Variants in NBEA observed in about 807,000 individuals in gnomAD.
The protein encoded by NBEA is lysosomal-trafficking regulator 2.
In NBEA, 44 loss-of-function variants were observed where a neutral mutation model predicts 343.4. That is an observed-to-expected ratio of 0.13 (90% CI 0.10 to 0.16). The LOEUF (loss-of-function observed/expected upper bound fraction) is 0.16. Ranked by LOEUF, NBEA falls within the 10% of genes least tolerant of loss-of-function variation. NBEA has a pLI of 1.00. For missense variants in NBEA, 2,555 were observed against 3,631.3 expected, an observed-to-expected ratio of 0.70 and a Z score of 7.62; for synonymous variants, 1,175 against 1,238.7, an observed-to-expected ratio of 0.95 and a Z score of 1.08.
At chr13:35,354,560 G>A (rs2040387462) in intron 38 of NBEA, among the ~76,000 whole-genome samples, 1 of 151,932 alleles carries the variant, frequency 6.6e-6, no homozygotes, top group African/African-American at 2.4e-5. Context: ...AGAAGAGCAG[G>A]TGTCTTCTTT....
intron 40 of NBEA, among the ~76,000 whole-genome samples, chr13:35,467,302 T>C (rs1409966237): frequency 6.6e-6 from 1 of 151,904 alleles, no homozygotes; most frequent in Non-Finnish European, 1.5e-5. Flanking sequence ...TGAAACACCA[T>C]CTCTACTAAA....
chr13:35,438,265 G>T (rs1200628506), intron 39 of NBEA, among the ~76,000 whole-genome samples: 1 of 152,200 alleles, frequency 6.6e-6, no homozygotes, highest in Non-Finnish European at 1.5e-5. Flanking sequence ...AGCTTGTGAA[G>T]CCATCAAGTT....
chr13:35,539,915 C>CAAAAAAAAAAAAAAAAAAAAAAAAAAA (rs71081262), intron 41 of NBEA, among the ~76,000 whole-genome samples: 1 of 39,614 alleles, frequency 2.5e-5, no homozygotes, highest in Non-Finnish European at 4.6e-5. Flanking sequence ...GACTCCGTCT[C>CAAAAAAAAAAAAAAAAAAAAAAAAAAA]AAAAAAAAAA....
intron 1 of NBEA, among the ~76,000 whole-genome samples, chr13:34,953,310 C>G (rs1159604913): frequency 6.6e-6 from 1 of 152,018 alleles, no homozygotes; most frequent in African/African-American, 2.4e-5. Context: ...ATAACTTGAT[C>G]CCCCTTTCAA....
intron 6 of NBEA, among the ~76,000 whole-genome samples, chr13:35,053,599 C>T (rs746388635): frequency 5.9e-5 from 9 of 151,932 alleles, no homozygotes; most frequent in East Asian, 1.9e-4. Flanking sequence ...ATATGTTGTC[C>T]GTCTTTATAT....
chr13:35,525,177 G>A (rs1056175880), intron 41 of NBEA, among the ~76,000 whole-genome samples: 1 of 152,074 alleles, frequency 6.6e-6, no homozygotes, highest in African/African-American at 2.4e-5. Flanking sequence ...TTTAGTGCCT[G>A]GTATATCAAA....
chr13:35,648,032 T>C (rs543260515), intron 51 of NBEA, among the ~76,000 whole-genome samples: 18 of 152,060 alleles, frequency 1.2e-4, no homozygotes, highest in African/African-American at 4.3e-4. Context: ...TGTGCCACCA[T>C]GCCTGGCTAA....
chr13:35,078,511 G>GA (rs1212104006), intron 10 of NBEA, among the ~76,000 whole-genome samples: 9 of 152,152 alleles, frequency 5.9e-5, no homozygotes, highest in African/African-American at 2.2e-4. Flanking sequence ...CAAATGAGAT[G>GA]AATGTCATAT....
intron 40 of NBEA, among the ~76,000 whole-genome samples, chr13:35,465,258 ATTCAATTCCAC>A (rs2152954531): frequency 6.6e-6 from 1 of 152,248 alleles, no homozygotes; most frequent in South Asian, 2.1e-4. Flanking sequence ...CATTTTCTAT[ATTCAATTCCAC>A]AAACACAGAT....
chr13:35,582,876 T>C (rs1333572376), intron 45 of NBEA, among the ~76,000 whole-genome samples: 1 of 152,162 alleles, frequency 6.6e-6, no homozygotes, highest in Non-Finnish European at 1.5e-5. Context: ...ACATTATGTG[T>C]CCCTTTGAAA....
chr13:35,646,787 T>A (rs1293830220), intron 51 of NBEA, among the ~76,000 whole-genome samples: 1 of 152,206 alleles, frequency 6.6e-6, no homozygotes, highest in Non-Finnish European at 1.5e-5. Context: ...TTTGTGGTTA[T>A]TACAGAGAGG....
intron 18 of NBEA, among the ~76,000 whole-genome samples, chr13:35,152,700 A>T (rs2068871667): frequency 6.6e-6 from 1 of 152,206 alleles, no homozygotes; most frequent in East Asian, 1.9e-4. Flanking sequence ...CTCCATGCTT[A>T]TGATTCATTG....
At chr13:35,141,216 G>T (rs1246395514) in intron 17 of NBEA, among the ~76,000 whole-genome samples, 1 of 152,112 alleles carries the variant, frequency 6.6e-6, no homozygotes, top group Non-Finnish European at 1.5e-5. Flanking sequence ...TTGAAGAAAT[G>T]AAATACTGAG....
chr13:35,040,819 C>G, intron 1 of NBEA, 114 bp from the exon 2 acceptor site: 1 of 844,230 alleles, frequency 1.2e-6, no homozygotes. Context: ...AATTTTATAC[C>G]AGAATCCTTG....
intron 1 of NBEA, among the ~76,000 whole-genome samples, chr13:34,976,657 T>G (rs1203820043): frequency 2.0e-5 from 3 of 149,698 alleles, no homozygotes; most frequent in East Asian, 1.9e-4. Flanking sequence ...GTTTTTTGTT[T>G]TTTTTTTTTT....
chr13:35,104,225 G>C (rs2065802156), intron 11 of NBEA, among the ~76,000 whole-genome samples: 1 of 151,816 alleles, frequency 6.6e-6, no homozygotes, highest in Admixed American at 6.6e-5. Flanking sequence ...TTGCTTATAT[G>C]ATGCCTTATC....
Position 35,307,370 on chromosome 13 carries a change from C to G in NBEA, c.5839-2158C>G, listed in dbSNP as rs549809625. On this transcript the variant is annotated intron_variant, in intron 35 of 58. Transcript: ENST00000379939. ...GATCATATACTTTCATTGGCTTTCT[C>G]AAACTTTAAACTGTAATGTCCTTAG... is the stretch of plus-strand genomic sequence containing the variant. Among the ~76,000 whole-genome samples the G allele has an allele frequency of 3.3e-5, 5 of 152,126 alleles. No homozygotes were observed. In the South Asian group the frequency reaches 1.0e-3, roughly 32 times the overall value.
At chr13:35,207,312 T>C (rs2073458709) in intron 31 of NBEA, among the ~76,000 whole-genome samples, 1 of 152,036 alleles carries the variant, frequency 6.6e-6, no homozygotes, top group South Asian at 2.1e-4. Flanking sequence ...TTTAGGTAGA[T>C]TTTTTTCATT....
intron 48 of NBEA, among the ~76,000 whole-genome samples, chr13:35,608,434 C>A (rs1269824776): frequency 1.3e-5 from 2 of 152,126 alleles, no homozygotes; most frequent in South Asian, 2.1e-4. Context: ...TTCTCACATA[C>A]TTGAATGTTA....
Sources: allele counts gnomAD v4.1 joint callset (sites outside exome capture counted in the v4.1 genomes callset), GRCh38; gene constraint gnomAD v4.1.1; transcripts MANE v1.5; gene names NCBI Gene and HGNC (gene_info 2026-07-23, HGNC 2026-07-21).